PAPOLA: variants seen among roughly 807,000 people sequenced by gnomAD.
The protein encoded by PAPOLA is poly(A) polymerase alpha, also known as polynucleotide adenylyltransferase alpha.
PAPOLA carries 15 observed loss-of-function variants against 100.6 expected under a neutral mutation model. The ratio of observed to expected loss-of-function variants is 0.15; its 90% CI spans 0.10 to 0.23. The LOEUF is 0.23. Among genes scored for constraint, PAPOLA ranks in the 10% least tolerant of loss-of-function variants. PAPOLA has a pLI of 1.00. For missense variants in PAPOLA, 533 were observed against 884.2 expected, an observed-to-expected ratio of 0.60 and a Z score of 5.04; for synonymous variants, 293 against 300.0, an observed-to-expected ratio of 0.98 and a Z score of 0.24.
intron 17 of PAPOLA, 178 bp downstream of exon 17, chr14:96,552,800 G>A: frequency 1.7e-6 from 1 of 573,996 alleles, no homozygotes; most frequent in Non-Finnish European, 3.0e-6. Context: ...GTTTTGTCTT[G>A]TCATACTTAA....
chr14:96,562,785 C>CT, intron 20 of PAPOLA, 34 bp from the exon 21 acceptor site: 1 of 1,347,510 alleles, frequency 7.4e-7, no homozygotes, highest in Non-Finnish European at 1.1e-6. Flanking sequence ...TTTTAAGTCT[C>CT]TTTTCCCCCT....
intron 7 of PAPOLA, 101 bp from the exon 8 acceptor site, chr14:96,532,230 A>G: frequency 7.0e-7 from 1 of 1,426,330 alleles, no homozygotes; most frequent in African/African-American, 1.5e-5. Flanking sequence ...ATTTGGAAGC[A>G]TTACCATTAA....
intron 16 of PAPOLA, among the ~76,000 whole-genome samples, chr14:96,550,874 C>T (rs546195884): frequency 4.8e-4 from 73 of 152,244 alleles, no homozygotes; most frequent in Admixed American, 1.8e-3. Context: ...TTATTAACTG[C>T]TTTTTGCAAA....
rs1462224586 is a variant in PAPOLA, at chr14:96,520,160, T to C, written c.114T>C (p.Leu38=). 6.2e-7 allele frequency: 1 copy of C among 1,614,014 alleles called. No homozygotes were observed. The highest frequency in any genetic ancestry group is 1.7e-5 in the Admixed American group (1 of 60,012). ...CCCCCAAGGAGACTGACTGCGTACTTACACAGAAACTAATTGAGACATTGA... is the reference window on the plus strand; with the variant it reads ...CCCCCAAGGAGACTGACTGCGTACTCACACAGAAACTAATTGAGACATTGA... ...LAAPKETDCV[L]TQKLIETLKP... The change falls in exon 2 of 22, where the codon CTT becomes CTC. Residue 38 remains leucine, a synonymous_variant. Transcript: ENST00000216277.
intron 6 of PAPOLA, 43 bp downstream of exon 6, chr14:96,528,049 A>G: frequency 7.7e-7 from 1 of 1,307,120 alleles, no homozygotes; most frequent in Admixed American, 1.7e-5. Flanking sequence ...ATGTGCTGTC[A>G]CTAATTTTGA....
intron 10 of PAPOLA, 82 bp downstream of exon 10, chr14:96,534,645 T>C: frequency 6.2e-7 from 1 of 1,605,740 alleles, no homozygotes; most frequent in Non-Finnish European, 8.5e-7. Flanking sequence ...CAGGGAGACT[T>C]CCAGCCTTTT....
chr14:96,557,854 TA>T (rs1566867110), intron 19 of PAPOLA, among the ~76,000 whole-genome samples: 2 of 152,108 alleles, frequency 1.3e-5, no homozygotes, highest in Non-Finnish European at 2.9e-5. Context: ...TATAGTACTT[TA>T]AATCCCCCAG....
chr14:96,505,473 A>T (rs939357887), intron 1 of PAPOLA, among the ~76,000 whole-genome samples: 3 of 152,212 alleles, frequency 2.0e-5, no homozygotes, highest in African/African-American at 7.2e-5. Context: ...AAAGGTGTGA[A>T]GGAGAGTAAC....
Position 96,528,973 on chromosome 14 carries a change from A to T in PAPOLA, c.495+967A>T, listed in dbSNP as rs938442732. ...TATAAGTTGAGGCCTCATTTTCCTA[A>T]AAAGAATATTACTGACAAAGAGGAC... On this transcript the variant is annotated intron_variant, in intron 6 of 21. Coordinates refer to ENST00000216277, the MANE Select transcript of PAPOLA (RefSeq NM_032632.5). Among the ~76,000 whole-genome samples, 21 of 152,188 alleles carry T rather than the reference A, an allele frequency of 1.4e-4. 1 individual carries two copies. The highest frequency in any genetic ancestry group is 1.3e-3 in the Admixed American group (20 of 15,280).
chr14:96,502,715 T>C, intron 1 of PAPOLA, 115 bp downstream of exon 1: 1 of 1,189,406 alleles, frequency 8.4e-7, no homozygotes, highest in Non-Finnish European at 1.2e-6. Context: ...TCCCCGCTGG[T>C]AGGAGGCAGG....
chr14:96,554,116 C>T (rs1901092133), intron 17 of PAPOLA, among the ~76,000 whole-genome samples: 1 of 152,090 alleles, frequency 6.6e-6, no homozygotes, highest in Admixed American at 6.5e-5. Flanking sequence ...TACAACTGTA[C>T]TAAATAATTT....
At chr14:96,507,177 G>A (rs1896771960) in intron 1 of PAPOLA, among the ~76,000 whole-genome samples, 1 of 151,746 alleles carries the variant, frequency 6.6e-6, no homozygotes, top group Admixed American at 6.6e-5. Context: ...GAATGCAGAA[G>A]CAGCTATGAG....
intron 20 of PAPOLA, 71 bp downstream of exon 20, chr14:96,560,782 A>G (rs1901777613): frequency 9.9e-7 from 1 of 1,005,040 alleles, no homozygotes. Context: ...ATGTCTCTAA[A>G]ATATTGTATT....
rs1900194361 is a variant in PAPOLA at position 96,544,027 on chromosome 14, A to G, written c.1290-122A>G. The G allele has an allele frequency of 7.8e-6, 5 of 637,808 alleles. No individual in the cohort carries two copies. In the South Asian group the frequency reaches 9.7e-5, roughly 12 times the overall value. 39.5% of individuals were successfully genotyped at this position (637,808 alleles called of 1,614,324 possible). ...TTGCGTTTTCATGGAGCTTGGGCTT[A>G]GAACTTTTAGTTTGCTCATACATTT... On this transcript the variant is annotated intron_variant, in intron 14 of 21. Transcript: ENST00000216277.
intron 19 of PAPOLA, among the ~76,000 whole-genome samples, chr14:96,558,253 C>T (rs1901528362): frequency 6.6e-6 from 1 of 152,138 alleles, no homozygotes; most frequent in African/African-American, 2.4e-5. Flanking sequence ...AAGAGCCCTG[C>T]TGCCACATGA....
At chr14:96,561,827 C>CG (rs967508595) in intron 20 of PAPOLA, among the ~76,000 whole-genome samples, 63 of 134,312 alleles carry the variant, frequency 4.7e-4, no homozygotes, top group African/African-American at 1.5e-3. Context: ...AACAATATTT[C>CG]GTTTTTTTTT....
At chr14:96,513,899 T>C (rs1354077140) in intron 1 of PAPOLA, among the ~76,000 whole-genome samples, 2 of 152,216 alleles carry the variant, frequency 1.3e-5, no homozygotes. Flanking sequence ...AACCTGTTTT[T>C]ATGGCTTTTG....
intron 15 of PAPOLA, among the ~76,000 whole-genome samples, chr14:96,546,867 CA>C (rs1485923385): frequency 6.6e-6 from 1 of 152,010 alleles, no homozygotes; most frequent in Admixed American, 6.6e-5. Flanking sequence ...TCAAATGTTC[CA>C]GGCATTTTCT....
chr14:96,560,404 G>T, intron 19 of PAPOLA: 1 of 337,648 alleles, frequency 3.0e-6, no homozygotes, highest in Non-Finnish European at 5.3e-6. Flanking sequence ...TTTTGGAAAT[G>T]TACTTTAGGT....
Sources: allele counts gnomAD v4.1 joint callset (sites outside exome capture counted in the v4.1 genomes callset), GRCh38; gene constraint gnomAD v4.1.1; transcripts MANE v1.5; gene names NCBI Gene and HGNC (gene_info 2026-07-23, HGNC 2026-07-21).